Variants in ACACA observed in about 807,000 individuals in gnomAD.
ACACA encodes acetyl-CoA carboxylase 1.
Under a neutral mutation model 296.1 loss-of-function variants are expected in ACACA, and 103 were observed. That is an observed-to-expected ratio of 0.35 (90% CI 0.30 to 0.41). The LOEUF is 0.41. ACACA is among the 10% of genes least tolerant of loss of function. The pLI, the probability that ACACA is intolerant of heterozygous loss-of-function variation, is 1.00. For missense variants in ACACA, 1,554 were observed against 2,989.7 expected (o/e 0.52, Z 11.20); for synonymous variants, 953 against 1,038.6 (o/e 0.92, Z 1.58).
chr17:37,405,048 A>G (rs1462299188), intron 1 of ACACA, among the ~76,000 whole-genome samples: 1 of 152,108 alleles, frequency 6.6e-6, no homozygotes, highest in African/African-American at 2.4e-5. Context: ...CCCTTTCTCC[A>G]TGCCAAACAA....
chr17:37,144,161 A>G (rs2075717429), intron 45 of ACACA: 8 of 747,278 alleles, frequency 1.1e-5, no homozygotes, highest in Middle Eastern at 3.6e-4. Flanking sequence ...CACCTCTCTG[A>G]GCACTTCTTA....
At chr17:37,261,700 G>A (rs1023443252) in intron 11 of ACACA, among the ~76,000 whole-genome samples, 1 of 152,174 alleles carries the variant, frequency 6.6e-6, no homozygotes, top group Non-Finnish European at 1.5e-5. Flanking sequence ...TCTGGAGTGT[G>A]CAGTAGCAGA....
chr17:37,288,810 A>T (rs549683169), intron 3 of ACACA, among the ~76,000 whole-genome samples: 1 of 151,964 alleles, frequency 6.6e-6, no homozygotes, highest in Non-Finnish European at 1.5e-5. Context: ...GAGGTGGGAG[A>T]ATCACTTGAG....
At chr17:37,261,001 TGCTA>T (rs1190591954) in intron 11 of ACACA, among the ~76,000 whole-genome samples, 2 of 152,090 alleles carry the variant, frequency 1.3e-5, no homozygotes, top group Non-Finnish European at 2.9e-5. Flanking sequence ...AAATATGAGA[TGCTA>T]GCTTAGCAAA....
intron 1 of ACACA, among the ~76,000 whole-genome samples, chr17:37,355,261 C>A (rs1013474662): frequency 1.4e-5 from 2 of 140,580 alleles, no homozygotes; most frequent in African/African-American, 5.3e-5. Context: ...TAAATAAATA[C>A]ATAAAAAATA....
chr17:37,160,146 G>C (rs1188469998), intron 42 of ACACA, among the ~76,000 whole-genome samples: 1 of 152,162 alleles, frequency 6.6e-6, no homozygotes, highest in African/African-American at 2.4e-5. Flanking sequence ...CAATTTTCCT[G>C]TAAAGGGAAG....
At chr17:37,180,479 T>C (rs1024175625) in intron 40 of ACACA, among the ~76,000 whole-genome samples, 2 of 152,202 alleles carry the variant, frequency 1.3e-5, no homozygotes, top group South Asian at 2.1e-4. Context: ...CCTATATTCA[T>C]AGATTTTTTT....
In ACACA at chr17:37,195,191, C is replaced by T. The variant is rs563814775; in HGVS notation, c.4159-1776G>A. The stretch of plus-strand genomic sequence containing the variant: ...GTGATAATATGATATTTTACGCACA[C>T]ACTTTTCTATTCCGCCTTAACTATT... On this transcript the variant is annotated intron_variant, in intron 35 of 55. Transcript: ENST00000616317. 5.9e-5 allele frequency among the ~76,000 whole-genome samples: 9 copies of T among 152,284 alleles called. No individual in the cohort carries two copies. The South Asian group carries it at 1.0e-3, about 18-fold the overall frequency.
At position 37,103,426 on chromosome 17, in the gene ACACA, T is replaced by A. The variant is rs568321180; in HGVS notation, c.6566-5442A>T. On this transcript the variant is annotated intron_variant, in intron 52 of 55. Coordinates refer to ENST00000616317, the MANE Select transcript of ACACA (RefSeq NM_198834.3). ...TGTAAGCTCCCTGTACAATTAAATA[T>A]CTTGAAATGGTTTTCTTTCTTTTCT... Among the ~76,000 whole-genome samples the A allele has an allele frequency of 4.6e-5, 7 of 152,326 alleles. No homozygotes were observed. The South Asian group carries it at 1.5e-3, about 32-fold the overall frequency.
At position 37,185,402 on chromosome 17, in the gene ACACA, C is replaced by CTTTTTTTTTTTTTTTT. The variant is rs67821579; in HGVS notation, c.4776+2859_4776+2874dup. ...TGCATGACACCATGCCTGGCTATTT[C>CTTTTTTTTTTTTTTTT]TTTTTTTTTTTTTTTTTTTTTTTTT... On this transcript the variant is annotated intron_variant, in intron 39 of 55. Transcript: ENST00000616317. 3.5e-4 allele frequency among the ~76,000 whole-genome samples: 17 copies of CTTTTTTTTTTTTTTTT among 48,438 alleles called. 3 individuals carry two copies. The highest frequency in any genetic ancestry group is 1.5e-3 in the African/African-American group (16 of 10,846). The allele number at this position is 48,438 out of a possible 152,430, so 31.8% of individuals were successfully genotyped here.
intron 48 of ACACA, 185 bp from the exon 49 acceptor site, chr17:37,122,812 T>C (rs1216169621): frequency 4.4e-6 from 3 of 677,432 alleles, no homozygotes; most frequent in Non-Finnish European, 8.0e-6. Flanking sequence ...TCTCTAAATA[T>C]GGTGGGAAAC....
rs911584828 is a variant in ACACA, at chr17:37,130,227, A to G, written c.5680-9T>C. On this transcript the variant is annotated splice_polypyrimidine_tract_variant and intron_variant, in intron 45 of 55. Transcript: ENST00000616317. Reference sequence around the variant, plus strand: ...ACTTCCCGCCCGAGGACCTAGAGAAAAGAGCAAGAGAAAAGACATTTGTCT... The same window carrying G: ...ACTTCCCGCCCGAGGACCTAGAGAAGAGAGCAAGAGAAAAGACATTTGTCT... 1.2e-6 allele frequency: 2 copies of G among 1,614,058 alleles called. No individual in the cohort carries two copies. Among genetic ancestry groups the G allele is most frequent in the Non-Finnish European group, 1.7e-6 (2 of 1,179,996 alleles).
In ACACA at chr17:37,200,492, A is replaced by G; in HGVS notation, c.4057-9T>C. The G allele has an allele frequency of 2.5e-6, 4 of 1,606,060 alleles. No homozygotes were observed. The highest frequency in any genetic ancestry group is 3.4e-6 in the Non-Finnish European group (4 of 1,172,792). On this transcript the variant is annotated splice_polypyrimidine_tract_variant and intron_variant, in intron 33 of 55. Coordinates refer to ENST00000616317, the MANE Select transcript of ACACA (RefSeq NM_198834.3). The stretch of plus-strand genomic sequence containing the variant: ...TCAACCAGGGTAGCTTTCTAGGAGC[A>G]AAAACATGTAAAACAGAAGATAGAT...
chr17:37,248,099 C>T lies in ACACA; in HGVS notation c.2221G>A (p.Val741Ile). 6.2e-7 allele frequency: 1 copy of T among 1,614,174 alleles called. No homozygotes were observed. Among genetic ancestry groups the T allele is most frequent in the Non-Finnish European group, 8.5e-7 (1 of 1,180,038 alleles). ...VVIMNGSCVE[V>I]DVHRLSDGGL... is the part of the protein sequence containing the mutation. ...CCGTCACTCAGCCGATGTACATCTA[C>T]TTCTACACATGAGCCATTCATGATC... is the stretch of plus-strand genomic sequence containing the variant. Residue 741 changes from valine to isoleucine, a missense_variant, in exon 18 of 56, where the codon GTA (valine) becomes ATA (isoleucine). By Grantham distance (29) the Val-to-Ile change is conservative (BLOSUM62 3). Transcript: ENST00000616317.
intron 2 of ACACA, among the ~76,000 whole-genome samples, chr17:37,332,073 C>A (rs2047909790): frequency 6.6e-6 from 1 of 151,890 alleles, no homozygotes; most frequent in African/African-American, 2.4e-5. Flanking sequence ...TATAATTTTT[C>A]TAAATGTAGG....
At chr17:37,376,068 G>A (rs751781871) in intron 1 of ACACA, 30 of 1,601,218 alleles carry the variant, frequency 1.9e-5, no homozygotes, top group Non-Finnish European at 2.6e-5. Context: ...TGGTCTGTCT[G>A]CAATGAGCAT....
intron 11 of ACACA, among the ~76,000 whole-genome samples, chr17:37,261,029 G>C (rs1443758154): frequency 1.3e-5 from 2 of 152,154 alleles, no homozygotes; most frequent in Non-Finnish European, 2.9e-5. Context: ...GTAGTGGGTA[G>C]CAGAGAAACA....
At position 37,085,229 on chromosome 17, in the gene ACACA, C is replaced by T. The variant is rs2072122556; in HGVS notation, c.*2087G>A. On this transcript the variant is annotated 3_prime_UTR_variant, in exon 56 of 56. Transcript: ENST00000616317. The stretch of plus-strand genomic sequence containing the variant: ...GAGGGGCTGTGGGAATGTCAGATTG[C>T]TCATGTTCTGTGCCTCCAACTTGAA... 1.2e-5 allele frequency: 2 copies of T among 173,148 alleles called. No individual in the cohort carries two copies. Among genetic ancestry groups the T allele is most frequent in the African/African-American group, 2.4e-5 (1 of 42,310 alleles). 10.7% of individuals were successfully genotyped at this position (173,148 alleles called of 1,614,324 possible).
intron 41 of ACACA, among the ~76,000 whole-genome samples, chr17:37,165,473 T>C (rs999864518): frequency 1.3e-5 from 2 of 152,114 alleles, no homozygotes; most frequent in African/African-American, 4.8e-5. Context: ...ATGGGTTTGA[T>C]AAACACACTA....
Sources: gnomAD v4.1 joint callset for allele counts (sites outside exome capture counted in the v4.1 genomes callset) on GRCh38, gnomAD v4.1.1 for gene constraint, MANE v1.5 for transcripts, NCBI Gene and HGNC (gene_info 2026-07-23, HGNC 2026-07-21) for gene names.